TSLP: variants seen among roughly 807,000 people sequenced by gnomAD.
TSLP encodes thymic stromal lymphopoietin.
TSLP carries 12 observed loss-of-function variants against 12.4 expected under a neutral mutation model. The ratio of observed to expected loss-of-function variants is 0.97; its 90% confidence interval spans 0.62 to 1.57. The LOEUF (loss-of-function observed/expected upper bound fraction) is 1.57. TSLP is among the 40% of genes most tolerant of loss of function. The pLI is 0.00. For synonymous variants in TSLP, 97 were observed against 69.5 expected (o/e 1.40, Z -1.97); for missense variants, 222 against 189.6 (o/e 1.17, Z -1.00).
Position 111,077,888 on chromosome 5 carries a change from G to A in TSLP, c.*1814G>A, listed in dbSNP as rs1321405303. On this transcript the variant is annotated 3_prime_UTR_variant, in exon 4 of 4. Coordinates refer to ENST00000344895, the MANE Select transcript of TSLP (RefSeq NM_033035.5). ...TGCATCATACTAATTTAGTAAGAAC[G>A]TTCCCAAATGTTGTAACAATGTGGA... 8 of 152,396 alleles carry A rather than the reference G, an allele frequency of 5.2e-5. No individual in the cohort carries two copies. The East Asian group carries it at 9.6e-4, about 18-fold the overall frequency. 9.4% of individuals were successfully genotyped at this position (152,396 alleles called of 1,614,324 possible). A position where few individuals can be genotyped will look rare whatever the true frequency, so the allele number is the denominator to read the frequency against.
intron 3 of TSLP, among the ~76,000 whole-genome samples, chr5:111,075,147 G>C (rs1352637752): frequency 6.6e-6 from 1 of 152,162 alleles, no homozygotes; most frequent in Non-Finnish European, 1.5e-5. Flanking sequence ...GAAAGGGAGA[G>C]TTTGGAGAAA....
intron 3 of TSLP, 88 bp from the exon 4 acceptor site, chr5:111,075,858 T>G (rs11466746): frequency 7.3e-7 from 1 of 1,362,078 alleles, no homozygotes; most frequent in Middle Eastern, 1.9e-4. Context: ...AAAGATGGAT[T>G]TGCATAGAGA....
rs765465942 is a variant in TSLP at position 111,071,978 on chromosome 5, G to A, written c.88G>A (p.Asp30Asn). The A allele has an allele frequency of 3.7e-6, 6 of 1,614,178 alleles. No individual in the cohort carries two copies. Among genetic ancestry groups the A allele is most frequent in the East Asian group, 4.5e-5 (2 of 44,880 alleles). The stretch of plus-strand genomic sequence containing the variant: ...ACTTGTAGGGCTGGTGTTAACTTAC[G>A]ACTTCACTAACTGTGACTTTGAGAA... ...LQLVGLVLTY[D>N]FTNCDFEKIK... is the part of the protein sequence containing the mutation. Residue 30 changes from aspartate (D) to asparagine (N), a missense_variant, in exon 1 of 4, where the codon GAC becomes AAC. By Grantham distance (23) the Asp-to-Asn change is conservative. Coordinates refer to ENST00000344895, the MANE Select transcript of TSLP (RefSeq NM_033035.5).
In TSLP at chr5:111,073,406, G is replaced by C. The variant is rs568925942; in HGVS notation, c.217-105G>C. On this transcript the variant is annotated intron_variant, in intron 2 of 3. Coordinates refer to ENST00000344895, the MANE Select transcript of TSLP (RefSeq NM_033035.5). ...CTCTGACTCTCGACTTGTGTTCCCC[G>C]CTCCTCCCTGACCTTCCTCCCCTCC... is the stretch of plus-strand genomic sequence containing the variant. 7.2e-4 allele frequency: 1,127 copies of C among 1,563,310 alleles called. 2 individuals carry two copies. The highest frequency in any genetic ancestry group is 1.5e-3 in the Admixed American group (83 of 54,600).
chr5:111,071,020 C>G (rs1580374708), upstream of TSLP: 1 of 157,064 alleles, frequency 6.4e-6, no homozygotes, highest in South Asian at 2.0e-4. Flanking sequence ...CTAGAGGACT[C>G]TTCAGCCCCT....
chr5:111,071,289 G>A (rs1187519803), upstream of TSLP: 1 of 633,590 alleles, frequency 1.6e-6, no homozygotes, highest in Admixed American at 3.6e-5. Context: ...AAGGAGAAGG[G>A]AAAGCACTAG....
At chr5:111,071,434 C>G (rs757611714), upstream of TSLP, 1 of 1,519,052 alleles carries the variant, frequency 6.6e-7, no homozygotes, top group South Asian at 1.3e-5. Context: ...ACGGAAATGC[C>G]CTGTAGGAGA....
chr5:111,071,811 T>C lies in TSLP; in HGVS notation c.-80T>C. The C allele has an allele frequency of 6.5e-7, 1 of 1,534,486 alleles. No homozygotes were observed. ...AACCTGGTGCTTGAGCACTGGCCCC[T>C]AAGGCAGGCCTTACAGATCTCTTAC... On this transcript the variant is annotated 5_prime_UTR_variant, in exon 1 of 4. An upstream open reading frame in the 5' UTR loses its in-frame stop. Transcript: ENST00000344895.
intron 2 of TSLP, chr5:111,073,198 C>T (rs1435374300): frequency 2.8e-6 from 3 of 1,088,246 alleles, no homozygotes; most frequent in African/African-American, 3.2e-5. Context: ...GGGGCACCAC[C>T]TGCTGGGGTC....
chr5:111,073,999 T>C (rs935800975), intron 3 of TSLP, among the ~76,000 whole-genome samples: 3 of 152,184 alleles, frequency 2.0e-5, no homozygotes, highest in African/African-American at 7.2e-5. Context: ...ACCTTCAACA[T>C]TAAAATCTCA....
At chr5:111,073,232 G>A in intron 2 of TSLP, 1 of 1,366,864 alleles carries the variant, frequency 7.3e-7, no homozygotes, top group South Asian at 1.6e-5. Context: ...CTCGGGCTCG[G>A]AATTTTGGCA....
intron 1 of TSLP, 26 bp from the exon 2 acceptor site, chr5:111,072,862 C>T: frequency 4.3e-6 from 7 of 1,613,660 alleles, no homozygotes; most frequent in Non-Finnish European, 5.9e-6. Flanking sequence ...TCTTTACCCT[C>T]TTTGTCCTAT....
chr5:111,075,949 A>T lies in TSLP; in HGVS notation c.355A>T (p.Asn119Tyr). The T allele has an allele frequency of 6.2e-7, 1 of 1,612,404 alleles. No individual in the cohort carries two copies. Among genetic ancestry groups the T allele is most frequent in the Non-Finnish European group, 8.5e-7 (1 of 1,179,610 alleles). The change falls in exon 4 of 4, where the codon AAT becomes TAT. Residue 119 changes from asparagine (N) to tyrosine (Y), a missense_variant. Transcript: ENST00000344895. ...WCPGYSETQI[N>Y]ATQAMKKRRK... ...TATTGATTCTTATATTCTGCAGATA[A>T]ATGCTACTCAGGCAATGAAGAAGAG...
chr5:111,074,503 G>A (rs1277907357), intron 3 of TSLP, among the ~76,000 whole-genome samples: 2 of 152,066 alleles, frequency 1.3e-5, no homozygotes, highest in Non-Finnish European at 2.9e-5. Flanking sequence ...GCAAGTAGAG[G>A]ATTTATCTTC....
Position 111,072,906 on chromosome 5 carries a change from AACAAC to A in TSLP, c.193_197del (p.Asn65ArgfsTer4). 1.9e-6 allele frequency: 3 copies of A among 1,614,206 alleles called. No homozygotes were observed. The highest frequency in any genetic ancestry group is 2.5e-6 in the Non-Finnish European group (3 of 1,180,034). On this transcript the variant is annotated frameshift_variant, in exon 2 of 4. Coordinates refer to ENST00000344895, the MANE Select transcript of TSLP (RefSeq NM_033035.5). LOFTEE classifies it high-confidence loss of function. ...CTTCCAGACCAAAAGTACCGAGTTC[AACAAC>A]ACCGTCTCTTGTAGCAATCGGGTGA...
chr5:111,071,404 C>T, upstream of TSLP: 1 of 1,489,072 alleles, frequency 6.7e-7, no homozygotes, highest in Non-Finnish European at 8.9e-7. Context: ...GGTGTTTCTC[C>T]CAAATAGAAA....
chr5:111,076,129 G>A lies in TSLP; in HGVS notation c.*55G>A, dbSNP rs1752500270. On this transcript the variant is annotated 3_prime_UTR_variant, in exon 4 of 4. Coordinates refer to ENST00000344895, the MANE Select transcript of TSLP (RefSeq NM_033035.5). Reference sequence around the variant, plus strand: ...CACCAAAATAAATCATCTTTATTAAGTAGATGAAACATTAACTCTAACTGT... The same window carrying A: ...CACCAAAATAAATCATCTTTATTAAATAGATGAAACATTAACTCTAACTGT... 1 of 1,579,590 alleles carries A rather than the reference G, an allele frequency of 6.3e-7. No individual in the cohort carries two copies. The highest frequency in any genetic ancestry group is 1.7e-5 in the Admixed American group (1 of 57,304).
At chr5:111,071,410 A>G (rs1287858056), upstream of TSLP, 2 of 1,496,226 alleles carry the variant, frequency 1.3e-6, no homozygotes, top group African/African-American at 1.4e-5. Flanking sequence ...TCTCCCAAAT[A>G]GAAAGGATTG....
intron 3 of TSLP, 104 bp downstream of exon 3, chr5:111,073,749 C>A (rs1388897842): frequency 8.1e-6 from 11 of 1,351,150 alleles, no homozygotes; most frequent in Non-Finnish European, 1.0e-5. Flanking sequence ...TAGGTTTTAT[C>A]TTTCGAAGAG....
Sources: allele counts gnomAD v4.1 joint callset (sites outside exome capture counted in the v4.1 genomes callset), GRCh38; gene constraint gnomAD v4.1.1; transcripts MANE v1.5; gene names NCBI Gene and HGNC (gene_info 2026-07-23, HGNC 2026-07-21).